The following TBL1X variants were observed in gnomAD, a reference collection of about 807,000 sequenced individuals.
TBL1X encodes transducin beta like 1 X-linked.
Under a neutral mutation model 50.7 loss-of-function variants are expected in TBL1X, and 10 were observed. The ratio of observed to expected loss-of-function variants is 0.20; its 90% CI spans 0.12 to 0.33. The LOEUF is 0.33. TBL1X is among the 10% of genes least tolerant of loss of function. The pLI is 1.00. For missense variants in TBL1X, 340 were observed against 504.4 expected (o/e 0.67, Z 3.12); for synonymous variants, 190 against 214.7 (o/e 0.88, Z 1.01).
chrX:9,520,655 A>G (rs1179000802), intron 2 of TBL1X, among the ~76,000 whole-genome samples: 3 of 111,752 alleles, frequency 2.7e-5, no homozygotes, highest in Admixed American at 9.5e-5. Flanking sequence ...GATAGTGGCT[A>G]AAAAGATGGG....
chrX:9,533,292 T>C (rs1429618829), intron 2 of TBL1X, among the ~76,000 whole-genome samples: 1 of 111,412 alleles, frequency 9.0e-6, no homozygotes, highest in Non-Finnish European at 1.9e-5. Context: ...CGTGAATGCT[T>C]GCTTTCCGCA....
intron 2 of TBL1X, among the ~76,000 whole-genome samples, chrX:9,516,018 C>A (rs1408104447): frequency 9.0e-6 from 1 of 110,667 alleles, no homozygotes; most frequent in African/African-American, 3.3e-5. Flanking sequence ...ATAAACCTGT[C>A]AAAAAAGGGT....
At chrX:9,492,839 GT>G (rs1569206034) in intron 1 of TBL1X, among the ~76,000 whole-genome samples, 31 of 6,238 alleles carry the variant, frequency 5.0e-3, no homozygotes, top group African/African-American at 9.6e-3. Flanking sequence ...GGGCTAGAGG[GT>G]GTGTGTGTGT....
At chrX:9,667,001 G>C (rs2082934267) in intron 5 of TBL1X, among the ~76,000 whole-genome samples, 1 of 112,254 alleles carries the variant, frequency 8.9e-6, no homozygotes, top group Admixed American at 9.5e-5. Context: ...TAACCTAAAA[G>C]AGCGATAAGA....
At chrX:9,612,675 T>C (rs1237022678) in intron 2 of TBL1X, among the ~76,000 whole-genome samples, 1 of 111,530 alleles carries the variant, frequency 9.0e-6, no homozygotes, top group Non-Finnish European at 1.9e-5. Flanking sequence ...CTTTGGTCAG[T>C]GATGTCTGAG....
chrX:9,572,230 A>G (rs762209116), intron 2 of TBL1X, among the ~76,000 whole-genome samples: 2 of 112,464 alleles, frequency 1.8e-5, no homozygotes, highest in South Asian at 3.7e-4. Flanking sequence ...AAAGGAAAGA[A>G]TAGTAGAAGT....
At chrX:9,673,687 T>C (rs1382591946) in intron 5 of TBL1X, among the ~76,000 whole-genome samples, 1 of 112,707 alleles carries the variant, frequency 8.9e-6, no homozygotes, top group Non-Finnish European at 1.9e-5. Context: ...ATAGCTATCA[T>C]GTGCTACGTG....
chrX:9,470,991 G>A (rs1470205432), intron 1 of TBL1X, among the ~76,000 whole-genome samples: 1 of 112,266 alleles, frequency 8.9e-6, no homozygotes, highest in African/African-American at 3.2e-5. Context: ...CTACCAAAAG[G>A]TACTTCATAT....
At chrX:9,633,881 A>C (rs1467253583) in intron 2 of TBL1X, among the ~76,000 whole-genome samples, 1 of 111,677 alleles carries the variant, frequency 9.0e-6, no homozygotes, top group Non-Finnish European at 1.9e-5. Context: ...CCTCATCTGC[A>C]CGGGCACTTA....
At chrX:9,607,478 C>G (rs1385162529) in intron 2 of TBL1X, among the ~76,000 whole-genome samples, 1 of 112,661 alleles carries the variant, frequency 8.9e-6, no homozygotes, top group Admixed American at 9.3e-5. Flanking sequence ...CCCCAGGGTC[C>G]AAAGCCTCCA....
chrX:9,587,111 G>T (rs1253329165), intron 2 of TBL1X, among the ~76,000 whole-genome samples: 1 of 112,051 alleles, frequency 8.9e-6, no homozygotes, highest in Non-Finnish European at 1.9e-5. Context: ...CCCGCGTGCA[G>T]CCCTGGAAGG....
At position 9,714,937 on chromosome X, in the gene TBL1X, C is replaced by T. The variant is rs144295789; in HGVS notation, c.1641C>T (p.Gly547=). 580 of 1,210,513 alleles carry T rather than the reference C, an allele frequency of 4.8e-4. 4 individuals carry two copies. In the African/African-American group the frequency reaches 7.4e-3, roughly 15 times the overall value. ...GNLVHSYRGT[G]GIFEVCWNAR... is the part of the protein sequence containing the mutation. Reference sequence around the variant, plus strand: ...TTGTCCACAGCTACCGAGGCACTGGCGGCATCTTCGAGGTGTGCTGGAACG... The same window carrying T: ...TTGTCCACAGCTACCGAGGCACTGGTGGCATCTTCGAGGTGTGCTGGAACG... The change falls in exon 17 of 18, where the codon GGC becomes GGT. Residue 547 remains glycine (G), a synonymous_variant. Coordinates refer to ENST00000645353, the MANE Select transcript of TBL1X (RefSeq NM_005647.4).
intron 2 of TBL1X, among the ~76,000 whole-genome samples, chrX:9,632,520 T>G (rs1298591601): frequency 9.0e-6 from 1 of 111,524 alleles, no homozygotes; most frequent in Non-Finnish European, 1.9e-5. Context: ...TGGCCTCAAG[T>G]AATCTCTCCA....
chrX:9,718,037 C>T lies in TBL1X; in HGVS notation c.*1791C>T, dbSNP rs1272982294. The T allele has an allele frequency of 9.0e-6, 1 of 110,643 alleles. No homozygotes were observed. The highest frequency in any genetic ancestry group is 3.3e-5 in the African/African-American group (1 of 30,377). 9.1% of individuals were successfully genotyped at this position (110,643 alleles called of 1,213,427 possible). On this transcript the variant is annotated 3_prime_UTR_variant, in exon 18 of 18. Coordinates refer to ENST00000645353, the MANE Select transcript of TBL1X (RefSeq NM_005647.4). ...GACACGGACTTATTTTTGTCATTAG[C>T]AAGGGGGAAAAGGCCAAAGGACAAG...
chrX:9,643,662 G>A (rs889296669), intron 3 of TBL1X, among the ~76,000 whole-genome samples: 1 of 111,063 alleles, frequency 9.0e-6, no homozygotes, highest in African/African-American at 3.3e-5. Context: ...GACCATCCTG[G>A]GCAACATAGT....
intron 2 of TBL1X, among the ~76,000 whole-genome samples, chrX:9,503,470 G>C (rs2082011359): frequency 9.6e-6 from 1 of 104,245 alleles, no homozygotes; most frequent in African/African-American, 3.4e-5. Context: ...TAAGCCCTTT[G>C]AACTCCTGCA....
At chrX:9,532,543 C>T (rs1457387558) in intron 2 of TBL1X, among the ~76,000 whole-genome samples, 2 of 111,209 alleles carry the variant, frequency 1.8e-5, no homozygotes, top group Non-Finnish European at 3.8e-5. Flanking sequence ...GGCACTGGGC[C>T]CGCGGGCTTG....
intron 1 of TBL1X, among the ~76,000 whole-genome samples, chrX:9,491,662 G>A (rs749540026): frequency 6.3e-5 from 7 of 110,490 alleles, no homozygotes; most frequent in Non-Finnish European, 9.4e-5. Context: ...TGAGGTATCC[G>A]TGGACCAGCC....
chrX:9,655,269 C>T (rs969597654), intron 5 of TBL1X, among the ~76,000 whole-genome samples: 2 of 110,884 alleles, frequency 1.8e-5, no homozygotes, highest in African/African-American at 3.3e-5. Flanking sequence ...AAGGTGTAGG[C>T]GGGTCGGTTC....
Sources: allele counts gnomAD v4.1 joint callset (sites outside exome capture counted in the v4.1 genomes callset), GRCh38; gene constraint gnomAD v4.1.1; transcripts MANE v1.5; gene names NCBI Gene and HGNC (gene_info 2026-07-23, HGNC 2026-07-21).